MACROD2: variants seen among roughly 807,000 people sequenced by gnomAD.
MACROD2 encodes the protein ADP-ribose glycohydrolase MACROD2.
MACROD2 carries 36 observed loss-of-function variants against 70.4 expected under a neutral mutation model. The ratio of observed to expected loss-of-function variants is 0.51; its 90% CI spans 0.39 to 0.68. MACROD2 has a LOEUF of 0.68. Ranked by LOEUF, MACROD2 falls within the 30% of genes least tolerant of loss-of-function variation. The pLI, the probability that MACROD2 is intolerant of heterozygous loss-of-function variation, is 0.00. For synonymous variants in MACROD2, 172 were observed against 178.8 expected (o/e 0.96, Z 0.30); for missense variants, 496 against 538.4 (o/e 0.92, Z 0.78).
intron 6 of MACROD2, among the ~76,000 whole-genome samples, chr20:15,370,192 G>A (rs925606695): frequency 3.3e-5 from 5 of 152,088 alleles, no homozygotes; most frequent in African/African-American, 4.8e-5. Flanking sequence ...ATTATCTGAA[G>A]TCATTCATTG....
At chr20:16,000,966 C>T (rs1344291920) in intron 15 of MACROD2, among the ~76,000 whole-genome samples, 2 of 152,190 alleles carry the variant, frequency 1.3e-5, no homozygotes, top group African/African-American at 4.8e-5. Flanking sequence ...CGAATGGCCA[C>T]AAACTATTAT....
chr20:14,396,174 A>C (rs1027903463), intron 3 of MACROD2, among the ~76,000 whole-genome samples: 2 of 152,222 alleles, frequency 1.3e-5, no homozygotes, highest in African/African-American at 4.8e-5. Context: ...TAAATGTTCC[A>C]TGTGCACTTG....
intron 9 of MACROD2, among the ~76,000 whole-genome samples, chr20:15,865,415 A>C (rs1459668401): frequency 6.6e-6 from 1 of 152,158 alleles, no homozygotes; most frequent in African/African-American, 2.4e-5. Flanking sequence ...TAATAATTCA[A>C]ACCTTTTTGA....
chr20:15,628,472 G>A (rs929452014), intron 8 of MACROD2, among the ~76,000 whole-genome samples: 1 of 152,242 alleles, frequency 6.6e-6, no homozygotes, highest in African/African-American at 2.4e-5. Context: ...AAGGATGAGT[G>A]TGAGAAAACA....
chr20:14,195,554 C>T (rs1181412875), intron 3 of MACROD2, among the ~76,000 whole-genome samples: 10 of 152,044 alleles, frequency 6.6e-5, no homozygotes, highest in East Asian at 3.9e-4. Context: ...CTGCCACGCC[C>T]GCATCCTGTG....
chr20:15,636,260 G>C (rs1215283005), intron 8 of MACROD2, among the ~76,000 whole-genome samples: 1 of 152,020 alleles, frequency 6.6e-6, no homozygotes, highest in African/African-American at 2.4e-5. Context: ...AGTGCTTGAG[G>C]TCTATAACAT....
chr20:15,292,314 A>T (rs2077547825), intron 6 of MACROD2, among the ~76,000 whole-genome samples: 1 of 152,228 alleles, frequency 6.6e-6, no homozygotes, highest in South Asian at 2.1e-4. Context: ...GGATGATATT[A>T]ATGGCCACTC....
chr20:14,573,341 G>A (rs1347173313), intron 4 of MACROD2, among the ~76,000 whole-genome samples: 1 of 152,126 alleles, frequency 6.6e-6, no homozygotes, highest in Non-Finnish European at 1.5e-5. Flanking sequence ...TTCATTGATT[G>A]TGGTATGCCA....
intron 5 of MACROD2, among the ~76,000 whole-genome samples, chr20:14,841,054 CAT>C (rs1415850053): frequency 1.3e-5 from 2 of 152,012 alleles, no homozygotes; most frequent in African/African-American, 2.4e-5. Flanking sequence ...TAAAAAATAA[CAT>C]ATTTTAATGT....
At chr20:15,844,659 T>G (rs1443855974) in intron 8 of MACROD2, among the ~76,000 whole-genome samples, 1 of 152,164 alleles carries the variant, frequency 6.6e-6, no homozygotes, top group Non-Finnish European at 1.5e-5. Context: ...GAAAGTCTCC[T>G]GGAAAACAAG....
At chr20:14,469,620 A>G (rs888246839) in intron 3 of MACROD2, among the ~76,000 whole-genome samples, 5 of 151,690 alleles carry the variant, frequency 3.3e-5, no homozygotes, top group African/African-American at 1.2e-4. Flanking sequence ...GGCTCTGTTC[A>G]TTCCTTTTCA....
At chr20:15,772,041 C>T (rs1415476707) in intron 8 of MACROD2, among the ~76,000 whole-genome samples, 2 of 143,328 alleles carry the variant, frequency 1.4e-5, no homozygotes, top group African/African-American at 2.6e-5. Flanking sequence ...GCCGAGATCG[C>T]GCCACTGCAC....
At position 14,272,137 on chromosome 20, in the gene MACROD2, C is replaced by A. The variant is rs143308244; in HGVS notation, c.271+186409C>A. Among the ~76,000 whole-genome samples the A allele has an allele frequency of 8.4e-3, 1,279 of 152,034 alleles. 17 individuals are homozygous for A. Among genetic ancestry groups the A allele is most frequent in the African/African-American group, 0.029 (1,214 of 41,438 alleles). On this transcript the variant is annotated intron_variant, in intron 3 of 17. Transcript: ENST00000684519. ...GGCCAACATTCAGATTCAGGAAATA[C>A]AGAGAATGCCACAAAGATACTCCTC... is the stretch of plus-strand genomic sequence containing the variant.
chr20:14,589,215 TA>T (rs1887924421), intron 4 of MACROD2, among the ~76,000 whole-genome samples: 1 of 152,196 alleles, frequency 6.6e-6, no homozygotes, highest in Admixed American at 6.5e-5. Flanking sequence ...AAGTAAATCT[TA>T]TAATCACTCA....
chr20:15,327,947 C>G (rs2077949797), intron 6 of MACROD2, among the ~76,000 whole-genome samples: 2 of 151,998 alleles, frequency 1.3e-5, no homozygotes, highest in Admixed American at 6.6e-5. Flanking sequence ...TATCACTATC[C>G]TTGTGGAGTT....
rs140135646 is a variant in MACROD2 at position 15,021,256 on chromosome 20, A to ACACACGTGTGTGTATACG, written c.419-208679_419-208678insGTGTGTGTATACGCACAC. Among the ~76,000 whole-genome samples the ACACACGTGTGTGTATACG allele has an allele frequency of 4.0e-3, 336 of 83,766 alleles. 62 individuals are homozygous for ACACACGTGTGTGTATACG. The highest frequency in any genetic ancestry group is 0.012 in the African/African-American group (274 of 23,330). 55.0% of individuals were successfully genotyped at this position (83,766 alleles called of 152,430 possible). A position where few individuals can be genotyped will look rare whatever the true frequency, so the allele number is the denominator to read the frequency against. Reference sequence around the variant, plus strand: ...TACACACACCTGTGTGTATGTATACACACACCTGTGTGTGTGTATACGCAC... The same window carrying ACACACGTGTGTGTATACG: ...TACACACACCTGTGTGTATGTATACACACACGTGTGTGTATACGCACACCTGTGTGTGTGTATACGCAC... On this transcript the variant is annotated intron_variant, in intron 5 of 17. Coordinates refer to ENST00000684519, the MANE Select transcript of MACROD2 (RefSeq NM_001351661.2).
chr20:14,861,985 A>T (rs1203916827), intron 5 of MACROD2, among the ~76,000 whole-genome samples: 1 of 62,532 alleles, frequency 1.6e-5, no homozygotes, highest in Non-Finnish European at 2.8e-5. Context: ...AAATATATAT[A>T]TATATATTTA....
intron 3 of MACROD2, among the ~76,000 whole-genome samples, chr20:14,287,962 A>G (rs1308715562): frequency 1.3e-5 from 2 of 152,082 alleles, no homozygotes; most frequent in African/African-American, 2.4e-5. Flanking sequence ...ATATAATGTA[A>G]TCATGTACAC....
chr20:15,613,981 G>A (rs2049004266), intron 8 of MACROD2, among the ~76,000 whole-genome samples: 1 of 152,216 alleles, frequency 6.6e-6, no homozygotes, highest in African/African-American at 2.4e-5. Context: ...TGGTGTGAAT[G>A]AGAGATGGGA....
Sources: gnomAD v4.1 joint callset for allele counts (sites outside exome capture counted in the v4.1 genomes callset) on GRCh38, gnomAD v4.1.1 for gene constraint, MANE v1.5 for transcripts, NCBI Gene and HGNC (gene_info 2026-07-23, HGNC 2026-07-21) for gene names.